ARHGEF4: variants seen among roughly 807,000 people sequenced by gnomAD.
ARHGEF4 encodes APC-stimulated guanine nucleotide exchange factor 1.
A neutral mutation model predicts 162.0 loss-of-function variants in ARHGEF4; 119 were observed. The ratio of observed to expected loss-of-function variants is 0.73; its 90% CI spans 0.63 to 0.86. ARHGEF4 has a LOEUF of 0.86. Ranked by LOEUF, ARHGEF4 falls within the 40% of genes least tolerant of loss-of-function variation. The pLI is 0.00. For missense variants in ARHGEF4, 2,488 were observed against 2,456.0 expected, an observed-to-expected ratio of 1.01 and a Z score of -0.28; for synonymous variants, 1,014 against 979.9, an observed-to-expected ratio of 1.03 and a Z score of -0.65.
intron 1 of ARHGEF4, among the ~76,000 whole-genome samples, chr2:130,897,503 A>G (rs1240568959): frequency 6.6e-6 from 1 of 152,182 alleles, no homozygotes; most frequent in Non-Finnish European, 1.5e-5. Context: ...GCCTGGCGGG[A>G]CACCAGGGCC....
At chr2:130,975,199 C>T (rs1208714562) in intron 4 of ARHGEF4, among the ~76,000 whole-genome samples, 5 of 152,216 alleles carry the variant, frequency 3.3e-5, no homozygotes, top group African/African-American at 1.2e-4. Context: ...GTGAGGATCG[C>T]ATCCTCTCCT....
intron 1 of ARHGEF4, among the ~76,000 whole-genome samples, chr2:130,870,831 T>A (rs1352814490): frequency 6.6e-6 from 1 of 151,890 alleles, no homozygotes; most frequent in Non-Finnish European, 1.5e-5. Flanking sequence ...AGGGAAGGCT[T>A]CCCAGGGGAG....
chr2:130,934,138 T>C (rs911340392), intron 3 of ARHGEF4, among the ~76,000 whole-genome samples: 2 of 152,356 alleles, frequency 1.3e-5, no homozygotes, highest in Middle Eastern at 3.4e-3. Flanking sequence ...GGTGCTGGAT[T>C]TTTTAAGTGC....
chr2:130,959,200 C>T (rs1270604459), intron 4 of ARHGEF4, among the ~76,000 whole-genome samples: 1 of 152,126 alleles, frequency 6.6e-6, no homozygotes, highest in African/African-American at 2.4e-5. Flanking sequence ...CCTCGGCCTC[C>T]CAAAGTGCTA....
At chr2:130,875,222 A>G (rs2104943074) in intron 1 of ARHGEF4, among the ~76,000 whole-genome samples, 1 of 152,026 alleles carries the variant, frequency 6.6e-6, no homozygotes, top group African/African-American at 2.4e-5. Context: ...TCCTCCACAT[A>G]CAAACTCTAG....
chr2:130,941,455 C>T (rs150376865), intron 3 of ARHGEF4, among the ~76,000 whole-genome samples: 2,196 of 152,164 alleles, frequency 0.014, 62 homozygotes, highest in African/African-American at 0.05. Flanking sequence ...CTGCCTGCCT[C>T]GGCCTCCAAA....
At chr2:130,986,513 G>C (rs951581887) in intron 4 of ARHGEF4, among the ~76,000 whole-genome samples, 1 of 152,164 alleles carries the variant, frequency 6.6e-6, no homozygotes, top group Admixed American at 6.5e-5. Context: ...CTCAGAGGGC[G>C]CTGGGGCCTT....
At position 130,916,447 on chromosome 2, in the gene ARHGEF4, G is replaced by A; in HGVS notation, c.2501G>A (p.Arg834Lys). 3 of 1,541,298 alleles carry A rather than the reference G, an allele frequency of 1.9e-6. No individual in the cohort carries two copies. Among genetic ancestry groups the A allele is most frequent in the Middle Eastern group, 2.1e-4 (1 of 4,670 alleles). ...WGSSGPEGLP[R>K]ENPPAAAGRD... ...TCTTCAGGCCCCGAGGGGCTCCCCAGGGAGAATCCGCCCGCTGCGGCCGGT... is the reference window on the plus strand; with the variant it reads ...TCTTCAGGCCCCGAGGGGCTCCCCAAGGAGAATCCGCCCGCTGCGGCCGGT... Residue 834 changes from arginine (R) to lysine (K), a missense_variant, in exon 2 of 14, where the codon AGG becomes AAG. By Grantham distance (26) the Arg-to-Lys change is conservative. Around this residue, in one of 6 missense-constraint regions of ARHGEF4, gnomAD observed 1,642 missense variants for 1,481.5 expected, o/e 1.11. Coordinates refer to ENST00000409359, the MANE Select transcript of ARHGEF4 (RefSeq NM_001367493.1).
intron 5 of ARHGEF4, among the ~76,000 whole-genome samples, chr2:131,030,231 G>A (rs1558874102): frequency 1.5e-5 from 1 of 66,558 alleles, no homozygotes; most frequent in Non-Finnish European, 4.6e-5. Flanking sequence ...TCTTGCTGCT[G>A]GCGAAGAGGT....
chr2:130,973,888 T>G (rs1334915771), intron 4 of ARHGEF4, among the ~76,000 whole-genome samples: 1 of 152,188 alleles, frequency 6.6e-6, no homozygotes, highest in Non-Finnish European at 1.5e-5. Flanking sequence ...GGTACAAAAG[T>G]TATCATTTAG....
chr2:130,964,287 C>T (rs1684840061), intron 4 of ARHGEF4: 1 of 984,384 alleles, frequency 1.0e-6, no homozygotes, highest in East Asian at 1.1e-4. Context: ...ACGCGCCCTC[C>T]GCGCCCGGGT....
intron 4 of ARHGEF4, among the ~76,000 whole-genome samples, chr2:130,954,078 A>G (rs1007757851): frequency 1.3e-5 from 2 of 152,240 alleles, no homozygotes; most frequent in African/African-American, 4.8e-5. Context: ...ATTATAAATC[A>G]TGCTGCTATA....
chr2:130,881,274 A>G (rs1023617531), intron 1 of ARHGEF4, among the ~76,000 whole-genome samples: 1 of 152,186 alleles, frequency 6.6e-6, no homozygotes, highest in Non-Finnish European at 1.5e-5. Flanking sequence ...GATCCACTCC[A>G]AAGTGCTGGG....
At chr2:131,008,090 C>T (rs537757000) in intron 4 of ARHGEF4, among the ~76,000 whole-genome samples, 26 of 152,110 alleles carry the variant, frequency 1.7e-4, no homozygotes, top group Admixed American at 4.6e-4. Context: ...CAAGATTACA[C>T]GCATGAGCCA....
At chr2:130,929,143 G>T (rs1238510634) in intron 2 of ARHGEF4, among the ~76,000 whole-genome samples, 1 of 152,210 alleles carries the variant, frequency 6.6e-6, no homozygotes, top group African/African-American at 2.4e-5. Context: ...GAGTTTCTAA[G>T]GGAGAAGAAA....
intron 4 of ARHGEF4, among the ~76,000 whole-genome samples, chr2:130,959,387 G>T (rs12987554): frequency 6.6e-6 from 1 of 152,160 alleles, no homozygotes; most frequent in East Asian, 1.9e-4. Flanking sequence ...GGGGAGAAAG[G>T]GAATTAACGG....
intron 5 of ARHGEF4, among the ~76,000 whole-genome samples, chr2:131,032,747 C>T (rs982157975): frequency 6.6e-6 from 1 of 151,892 alleles, no homozygotes; most frequent in Admixed American, 6.6e-5. Context: ...CTGCCACCAG[C>T]CTAGTTGGGC....
intron 1 of ARHGEF4, among the ~76,000 whole-genome samples, chr2:130,883,722 T>C (rs946830946): frequency 2.1e-4 from 32 of 152,070 alleles, no homozygotes; most frequent in African/African-American, 7.2e-4. Flanking sequence ...GGCACGTGGG[T>C]TGAGTGCCCT....
chr2:131,034,535 C>T (rs1690091999), intron 5 of ARHGEF4, among the ~76,000 whole-genome samples: 1 of 152,228 alleles, frequency 6.6e-6, no homozygotes, highest in South Asian at 2.1e-4. Context: ...GCCATCCCTG[C>T]ATTCCTGCGC....
Sources: gnomAD v4.1 joint callset for allele counts (sites outside exome capture counted in the v4.1 genomes callset) on GRCh38, gnomAD v4.1.1 for gene constraint, gnomAD v4.1.1 regional missense constraint, MANE v1.5 for transcripts, NCBI Gene and HGNC (gene_info 2026-07-23, HGNC 2026-07-21) for gene names.